The following NEMP2 variants were observed in gnomAD, a reference collection of about 807,000 sequenced individuals.
The protein encoded by NEMP2 is UPF0571 transmembrane protein.
NEMP2 carries 53 observed loss-of-function variants against 54.2 expected under a neutral mutation model. The ratio of observed to expected loss-of-function variants is 0.98; its 90% CI spans 0.78 to 1.23. The LOEUF (loss-of-function observed/expected upper bound fraction) is 1.23. NEMP2 is among the 50% of genes most tolerant of loss of function. The probability of loss-of-function intolerance (pLI) is 0.00; values close to 1 mark genes in which losing one functional copy is unlikely to be tolerated. For synonymous variants in NEMP2, 197 were observed against 190.3 expected (o/e 1.04, Z -0.29); for missense variants, 455 against 511.3 (o/e 0.89, Z 1.06).
the NEMP2 span, among the ~76,000 whole-genome samples, chr2:190,632,191 C>G: frequency 6.6e-6 from 1 of 152,228 alleles, no homozygotes; most frequent in African/African-American, 2.4e-5. The surrounding 1 kb of genome is among the most constrained non-coding windows in gnomAD (Gnocchi z 4.8). Flanking sequence ...TTCACTAGTG[C>G]TCTCCTTCCT....
At position 190,533,008 on chromosome 2, in the gene NEMP2, G is replaced by C. The variant is rs977047255; in HGVS notation, c.97+1551C>G. On this transcript the variant is annotated intron_variant, in intron 1 of 8. Transcript: ENST00000409150. This position sits in a 1 kb window ranked among gnomAD's most constrained non-coding sequence, Gnocchi z 4.3. Reference sequence around the variant, plus strand: ...CCAATAAGTATTTATGTGTGTCTTTGATTAACAAAGCAGAGAAGCAGGCTG... The same window carrying C: ...CCAATAAGTATTTATGTGTGTCTTTCATTAACAAAGCAGAGAAGCAGGCTG... Among the ~76,000 whole-genome samples, 1 of 152,200 alleles carries C rather than the reference G, an allele frequency of 6.6e-6. No homozygotes were observed. Among genetic ancestry groups the C allele is most frequent in the Non-Finnish European group, 1.5e-5 (1 of 68,030 alleles).
the NEMP2 span, chr2:190,437,204 G>A: frequency 7.1e-5 from 114 of 1,614,152 alleles, no homozygotes; most frequent in South Asian, 9.0e-4. This position sits in a 1 kb window ranked among gnomAD's most constrained non-coding sequence, Gnocchi z 5.9. Flanking sequence ...TTCCGGTTCC[G>A]CTACAACCAT....
the NEMP2 span, chr2:190,437,082 C>T: frequency 1.4e-5 from 23 of 1,614,210 alleles, no homozygotes; most frequent in East Asian, 2.2e-5. This position sits in a 1 kb window ranked among gnomAD's most constrained non-coding sequence, Gnocchi z 5.9. Flanking sequence ...ACACCCACAT[C>T]GAAGTGCTCA....
In NEMP2 at chr2:190,507,060, A is replaced by T. The variant is rs1019817609; in HGVS notation, c.*2129T>A. The T allele has an allele frequency of 6.6e-6, 1 of 152,234 alleles. No individual in the cohort carries two copies. The highest frequency in any genetic ancestry group is 1.5e-5 in the Non-Finnish European group (1 of 68,030). 9.4% of individuals were successfully genotyped at this position (152,234 alleles called of 1,614,324 possible). A position where few individuals can be genotyped will look rare whatever the true frequency, so the allele number is the denominator to read the frequency against. On this transcript the variant is annotated 3_prime_UTR_variant, in exon 9 of 9. Coordinates refer to ENST00000409150, the MANE Select transcript of NEMP2 (RefSeq NM_001142645.2). The surrounding 1 kb of genome is among the most constrained non-coding windows in gnomAD (Gnocchi z 4.4). ...ATCTGTACATTGCTTGATGGGGATT[A>T]GAATTGTGATCAGTACTATAATACA... is the stretch of plus-strand genomic sequence containing the variant.
chr2:190,455,744 G>T, the NEMP2 span, among the ~76,000 whole-genome samples: 1 of 151,780 alleles, frequency 6.6e-6, no homozygotes, highest in Non-Finnish European at 1.5e-5. Flanking sequence ...CTCAGAGATT[G>T]CTGGAACTGA....
chr2:190,445,458 A>C, the NEMP2 span, among the ~76,000 whole-genome samples: 2 of 13,916 alleles, frequency 1.4e-4, no homozygotes, highest in Non-Finnish European at 2.7e-4. Flanking sequence ...CCCCAATCAC[A>C]AAAAAAAAAA....
the NEMP2 span, among the ~76,000 whole-genome samples, chr2:190,445,608 A>G: frequency 3.9e-5 from 6 of 152,180 alleles, no homozygotes; most frequent in Non-Finnish European, 7.3e-5. Context: ...AGGATGGCAT[A>G]TAACTACTAC....
the NEMP2 span, among the ~76,000 whole-genome samples, chr2:190,465,719 G>A: frequency 1.8e-3 from 273 of 152,226 alleles, 1 homozygote; most frequent in African/African-American, 6.0e-3. The surrounding 1 kb of genome is among the most constrained non-coding windows in gnomAD (Gnocchi z 4.6). Flanking sequence ...ATGGCCGGGC[G>A]TGGTGGCTCA....
chr2:190,581,116 A>G, the NEMP2 span, among the ~76,000 whole-genome samples: 1 of 152,322 alleles, frequency 6.6e-6, no homozygotes, highest in East Asian at 1.9e-4. Flanking sequence ...GAACATAACT[A>G]AAAACCAGGA....
chr2:190,588,289 A>G, the NEMP2 span, among the ~76,000 whole-genome samples: 1 of 152,166 alleles, frequency 6.6e-6, no homozygotes, highest in Admixed American at 6.5e-5. This position sits in a 1 kb window ranked among gnomAD's most constrained non-coding sequence, Gnocchi z 5.0. Flanking sequence ...CAGGCTTTCA[A>G]TGGCCTAGAT....
the NEMP2 span, among the ~76,000 whole-genome samples, chr2:190,563,653 A>G: frequency 6.6e-6 from 1 of 152,176 alleles, no homozygotes; most frequent in Non-Finnish European, 1.5e-5. This position sits in a 1 kb window ranked among gnomAD's most constrained non-coding sequence, Gnocchi z 4.3. Flanking sequence ...CACACTCCCC[A>G]TCTTTTGTCT....
the NEMP2 span, among the ~76,000 whole-genome samples, chr2:190,472,993 A>G: frequency 1.3e-5 from 2 of 152,214 alleles, no homozygotes; most frequent in Non-Finnish European, 2.9e-5. Context: ...ACTAAGCTTT[A>G]TAAGTGAAGG....
chr2:190,609,410 C>A, the NEMP2 span: 1 of 152,276 alleles, frequency 6.6e-6, no homozygotes, highest in South Asian at 2.1e-4. This position sits in a 1 kb window ranked among gnomAD's most constrained non-coding sequence, Gnocchi z 4.7. Flanking sequence ...CTTTAGATCT[C>A]AATAAACTTG....
chr2:190,473,058 A>G, the NEMP2 span, among the ~76,000 whole-genome samples: 12 of 151,992 alleles, frequency 7.9e-5, no homozygotes, highest in African/African-American at 2.7e-4. Flanking sequence ...TCACCACCAG[A>G]CCTGCCCTAA....
chr2:190,588,497 T>C, the NEMP2 span, among the ~76,000 whole-genome samples: 810 of 152,158 alleles, frequency 5.3e-3, 11 homozygotes, highest in African/African-American at 0.019. This position sits in a 1 kb window ranked among gnomAD's most constrained non-coding sequence, Gnocchi z 5.0. Flanking sequence ...AATCAAACTT[T>C]TATGACTCTG....
chr2:190,527,351 T>C lies in NEMP2; in HGVS notation c.98-1973A>G, dbSNP rs1260139513. On this transcript the variant is annotated intron_variant, in intron 1 of 8. Transcript: ENST00000409150. This position sits in a 1 kb window ranked among gnomAD's most constrained non-coding sequence, Gnocchi z 4.0. ...GCCTGAAATATCCTTAGCATTAAGT[T>C]GGAGAAAAGTGAAGACAGACTTGGG... is the stretch of plus-strand genomic sequence containing the variant. Among the ~76,000 whole-genome samples the C allele has an allele frequency of 1.3e-5, 2 of 152,134 alleles. No individual in the cohort carries two copies. The highest frequency in any genetic ancestry group is 2.4e-5 in the African/African-American group (1 of 41,420).
chr2:190,438,777 T>C, the NEMP2 span, among the ~76,000 whole-genome samples: 4 of 152,238 alleles, frequency 2.6e-5, no homozygotes, highest in Non-Finnish European at 5.9e-5. The surrounding 1 kb of genome is among the most constrained non-coding windows in gnomAD (Gnocchi z 5.2). Flanking sequence ...AGAGGAGAAA[T>C]AGACAATGAC....
At position 190,514,357 on chromosome 2, in the gene NEMP2, A is replaced by ATTATGAGAT; in HGVS notation, c.953+87_953+95dup. The stretch of plus-strand genomic sequence containing the variant: ...GAATGAAATCTCCAGATCAAATGTA[A>ATTATGAGAT]TTATGAGATTAACATGATGTGTGCA... On this transcript the variant is annotated intron_variant, in intron 7 of 8. Coordinates refer to ENST00000409150, the MANE Select transcript of NEMP2 (RefSeq NM_001142645.2). This position sits in a 1 kb window ranked among gnomAD's most constrained non-coding sequence, Gnocchi z 5.7. 1 of 1,160,390 alleles carries ATTATGAGAT rather than the reference A, an allele frequency of 8.6e-7. No individual in the cohort carries two copies. Among genetic ancestry groups the ATTATGAGAT allele is most frequent in the Non-Finnish European group, 1.2e-6 (1 of 803,292 alleles). The allele number at this position is 1,160,390 out of a possible 1,614,324, so 71.9% of individuals were successfully genotyped here. A position where few individuals can be genotyped will look rare whatever the true frequency, so the allele number is the denominator to read the frequency against.
Position 190,507,955 on chromosome 2 carries a change from A to AT in NEMP2, c.*1233dup, listed in dbSNP as rs1199750639. 6.6e-6 allele frequency: 1 copy of AT among 152,140 alleles called. No individual in the cohort carries two copies. Among genetic ancestry groups the AT allele is most frequent in the Non-Finnish European group, 1.5e-5 (1 of 68,006 alleles). The allele number at this position is 152,140 out of a possible 1,614,324, so 9.4% of individuals were successfully genotyped here. Reference sequence around the variant, plus strand: ...AACTTAGCAACATCTTAACCCTGAGATTGTCTTGCCATGTTCAAATCTTTC... The same window carrying AT: ...AACTTAGCAACATCTTAACCCTGAGATTTGTCTTGCCATGTTCAAATCTTTC... On this transcript the variant is annotated 3_prime_UTR_variant, in exon 9 of 9. Coordinates refer to ENST00000409150, the MANE Select transcript of NEMP2 (RefSeq NM_001142645.2). The surrounding 1 kb of genome is among the most constrained non-coding windows in gnomAD (Gnocchi z 4.4).
Sources: allele counts gnomAD v4.1 joint callset (sites outside exome capture counted in the v4.1 genomes callset), GRCh38; gene constraint gnomAD v4.1.1; non-coding constraint Gnocchi (gnomAD v3.1); transcripts MANE v1.5; gene names NCBI Gene and HGNC (gene_info 2026-07-23, HGNC 2026-07-21).